BAIAP2: variants seen among roughly 807,000 people sequenced by gnomAD.
The protein encoded by BAIAP2 is BAR/IMD domain containing adaptor protein 2, also known as BAR/IMD domain-containing adapter protein 2.
Under a neutral mutation model 63.0 loss-of-function variants are expected in BAIAP2, and 18 were observed. That is an observed-to-expected ratio of 0.29 (90% CI 0.20 to 0.42). BAIAP2 has a LOEUF of 0.42. BAIAP2 is among the 10% of genes least tolerant of loss of function. The pLI is 1.00. For synonymous variants in BAIAP2, 386 were observed against 307.6 expected, an observed-to-expected ratio of 1.25 and a Z score of -2.67; for missense variants, 610 against 734.3, an observed-to-expected ratio of 0.83 and a Z score of 1.96.
At chr17:81,070,048 C>T (rs2052312033) in intron 3 of BAIAP2, among the ~76,000 whole-genome samples, 1 of 152,156 alleles carries the variant, frequency 6.6e-6, no homozygotes, top group African/African-American at 2.4e-5. Flanking sequence ...TCATTGCAGC[C>T]TCCTGGGCTC....
Position 81,095,592 on chromosome 17 carries a change from TAGCC to T in BAIAP2, c.490-4333_490-4330del, listed in dbSNP as rs1402835265. On this transcript the variant is annotated intron_variant, in intron 6 of 13. Transcript: ENST00000428708. ...TCATGCGCTGACTCAGGCTCTGCCA[TAGCC>T]AGATGCTCATGTGGGGGCTCCAAGG... 3.3e-5 allele frequency among the ~76,000 whole-genome samples: 5 copies of T among 152,274 alleles called. No homozygotes were observed. In the East Asian group the frequency reaches 9.7e-4, roughly 29 times the overall value.
chr17:81,101,079 G>A (rs904451726), intron 7 of BAIAP2, among the ~76,000 whole-genome samples: 4 of 151,282 alleles, frequency 2.6e-5, no homozygotes, highest in African/African-American at 7.3e-5. Context: ...TGTGTCTCCC[G>A]CTAGGTGTCC....
intron 6 of BAIAP2, 71 bp downstream of exon 6, chr17:81,086,651 T>G (rs979471510): frequency 6.3e-7 from 1 of 1,577,106 alleles, no homozygotes; most frequent in Non-Finnish European, 8.7e-7. Flanking sequence ...GCCCCCCTCG[T>G]CCACAGGGAG....
intron 1 of BAIAP2, among the ~76,000 whole-genome samples, chr17:81,035,788 T>G (rs1485481208): frequency 6.6e-6 from 1 of 152,062 alleles, no homozygotes; most frequent in Non-Finnish European, 1.5e-5. Context: ...GTCGGCGCGG[T>G]GGCACCGTGG....
chr17:81,071,746 C>T (rs553768579), intron 3 of BAIAP2, among the ~76,000 whole-genome samples: 41 of 152,350 alleles, frequency 2.7e-4, no homozygotes, highest in African/African-American at 9.1e-4. Context: ...ATGCCTTCTC[C>T]GCACCATCCC....
rs1019368129 is a variant in BAIAP2 at position 81,078,877 on chromosome 17, C to T, written c.218-5955C>T. ...GGTGTTTGACCTCCAGCCTGCTCAG[C>T]CCCGAGTCACCTTTGAGCTGTGGGG... On this transcript the variant is annotated intron_variant, in intron 3 of 13. Coordinates refer to ENST00000428708, the MANE Select transcript of BAIAP2 (RefSeq NM_001144888.2). Among the ~76,000 whole-genome samples, 5 of 152,196 alleles carry T rather than the reference C, an allele frequency of 3.3e-5. No individual in the cohort carries two copies. In the South Asian group the frequency reaches 6.3e-4, roughly 19 times the overall value.
chr17:81,099,356 C>T (rs1442320364), intron 6 of BAIAP2, among the ~76,000 whole-genome samples: 4 of 152,186 alleles, frequency 2.6e-5, no homozygotes, highest in African/African-American at 9.7e-5. Context: ...CCCGGAGTCC[C>T]CTCTGCAGCA....
chr17:81,078,839 T>C (rs1198643485), intron 3 of BAIAP2, among the ~76,000 whole-genome samples: 1 of 152,024 alleles, frequency 6.6e-6, no homozygotes, highest in Non-Finnish European at 1.5e-5. Flanking sequence ...CTCTCAGGGC[T>C]CCTGAGTTTT....
Position 81,037,712 on chromosome 17 carries a change from C to T in BAIAP2, c.54+2404C>T, listed in dbSNP as rs1204205681. ...AGAGCCCTGGCAGTGCCTCTTGGAA[C>T]GGCTGTGCTGTGGCCTGCTTAGTGT... On this transcript the variant is annotated intron_variant, in intron 1 of 13. Coordinates refer to ENST00000428708, the MANE Select transcript of BAIAP2 (RefSeq NM_001144888.2). Among the ~76,000 whole-genome samples, 15 of 152,358 alleles carry T rather than the reference C, an allele frequency of 9.8e-5. No individual in the cohort carries two copies. The East Asian group carries it at 2.7e-3, about 27-fold the overall frequency.
At chr17:81,114,394 C>T (rs775491599) in intron 13 of BAIAP2, among the ~76,000 whole-genome samples, 1 of 152,074 alleles carries the variant, frequency 6.6e-6, no homozygotes, top group Non-Finnish European at 1.5e-5. Flanking sequence ...CATGGGCAGA[C>T]ATCAGTGATG....
chr17:81,096,120 TC>T (rs1392508935), intron 6 of BAIAP2, among the ~76,000 whole-genome samples: 2 of 152,020 alleles, frequency 1.3e-5, no homozygotes, highest in East Asian at 1.9e-4. Context: ...CACCTTCTCT[TC>T]CCCCGAGTCC....
At chr17:81,092,743 C>T (rs1038560979) in intron 6 of BAIAP2, among the ~76,000 whole-genome samples, 10 of 152,176 alleles carry the variant, frequency 6.6e-5, no homozygotes, top group Non-Finnish European at 1.3e-4. Context: ...GGACCGTGGT[C>T]GTTGCCACAT....
chr17:81,115,669 C>A, intron 13 of BAIAP2, 101 bp from the exon 14 acceptor site: 1 of 1,374,322 alleles, frequency 7.3e-7, no homozygotes, highest in Non-Finnish European at 1.0e-6. Flanking sequence ...GGACCGTAGG[C>A]ATCCAGCACT....
chr17:81,090,725 C>T (rs919626156), intron 6 of BAIAP2, among the ~76,000 whole-genome samples: 4 of 152,134 alleles, frequency 2.6e-5, no homozygotes, highest in African/African-American at 4.8e-5. Context: ...TATGTGGCTG[C>T]GTACGCGCCC....
rs528213823 is a variant in BAIAP2 at position 81,104,267 on chromosome 17, G to A, written c.1066+159G>A. ...GCATGTGGTACACACACGTGTGCCT[G>A]CCCAGCATCCAGCTCCCTCTTGTCA... On this transcript the variant is annotated intron_variant, in intron 9 of 13. Transcript: ENST00000428708. Among the ~76,000 whole-genome samples, 12 of 152,332 alleles carry A rather than the reference G, an allele frequency of 7.9e-5. No individual in the cohort carries two copies. The South Asian group carries it at 2.5e-3, about 32-fold the overall frequency.
intron 11 of BAIAP2, 107 bp from the exon 12 acceptor site, chr17:81,106,638 C>A: frequency 1.5e-6 from 2 of 1,344,898 alleles, no homozygotes; most frequent in Non-Finnish European, 2.1e-6. Flanking sequence ...AGCCTCCCCG[C>A]ATGTGGCGTG....
At chr17:81,114,677 A>C (rs1186579107) in intron 13 of BAIAP2, among the ~76,000 whole-genome samples, 1 of 152,216 alleles carries the variant, frequency 6.6e-6, no homozygotes, top group Non-Finnish European at 1.5e-5. Context: ...CTTAGAAAAC[A>C]CAAAGTCCTC....
chr17:81,050,662 A>G (rs1039994653), intron 1 of BAIAP2, among the ~76,000 whole-genome samples: 2 of 151,210 alleles, frequency 1.3e-5, no homozygotes, highest in Non-Finnish European at 3.0e-5. Flanking sequence ...TAGTGTTTTC[A>G]TACCTGTGTC....
At chr17:81,093,016 G>A (rs915719000) in intron 6 of BAIAP2, among the ~76,000 whole-genome samples, 5 of 152,056 alleles carry the variant, frequency 3.3e-5, no homozygotes, top group Non-Finnish European at 5.9e-5. Context: ...CCCGGGGGAC[G>A]TGTCCACATG....
Sources: allele counts gnomAD v4.1 joint callset (sites outside exome capture counted in the v4.1 genomes callset), GRCh38; gene constraint gnomAD v4.1.1; transcripts MANE v1.5; gene names NCBI Gene and HGNC (gene_info 2026-07-23, HGNC 2026-07-21).